SFMBT2: variants seen among roughly 807,000 people sequenced by gnomAD.
SFMBT2 encodes the protein scm-like with four MBT domains protein 2.
SFMBT2 carries 38 observed loss-of-function variants against 110.1 expected under a neutral mutation model. That is an observed-to-expected ratio of 0.35 (90% CI 0.27 to 0.45). The LOEUF (loss-of-function observed/expected upper bound fraction) is 0.45, where lower values mean the gene tolerates loss of function less well. SFMBT2 is among the 20% of genes least tolerant of loss of function. The pLI is 1.00. For missense variants in SFMBT2, 1,011 were observed against 1,094.9 expected (o/e 0.92, Z 1.08); for synonymous variants, 425 against 425.4 (o/e 1.00, Z 0.01).
chr10:7,358,055 C>A (rs953329612), intron 4 of SFMBT2, among the ~76,000 whole-genome samples: 1 of 151,846 alleles, frequency 6.6e-6, no homozygotes, highest in Non-Finnish European at 1.5e-5. Flanking sequence ...ATCAACATGG[C>A]CCTAGAACAT....
intron 20 of SFMBT2, among the ~76,000 whole-genome samples, chr10:7,166,814 C>A (rs1190786820): frequency 6.6e-6 from 1 of 152,156 alleles, no homozygotes; most frequent in Non-Finnish European, 1.5e-5. Context: ...TTCCAGGAAA[C>A]TGGGGAGACA....
chr10:7,285,252 T>C (rs920109363), intron 5 of SFMBT2: 1 of 152,268 alleles, frequency 6.6e-6, no homozygotes, highest in African/African-American at 2.4e-5. Flanking sequence ...CATACTAAGA[T>C]GTTTCAACAT....
chr10:7,164,803 C>A (rs1289854589), intron 20 of SFMBT2, among the ~76,000 whole-genome samples: 1 of 151,562 alleles, frequency 6.6e-6, no homozygotes, highest in Non-Finnish European at 1.5e-5. Flanking sequence ...CATTTACAGA[C>A]ACACACTCCC....
At chr10:7,202,446 T>C in intron 13 of SFMBT2, 34 bp downstream of exon 13, 1 of 1,613,734 alleles carries the variant, frequency 6.2e-7, no homozygotes, top group Non-Finnish European at 8.5e-7. Context: ...TTTATCGGTA[T>C]ACAGTGTAGT....
At chr10:7,209,237 C>A (rs1839256750) in intron 11 of SFMBT2, among the ~76,000 whole-genome samples, 1 of 152,152 alleles carries the variant, frequency 6.6e-6, no homozygotes, top group African/African-American at 2.4e-5. Context: ...TTGAGGATTG[C>A]AAAAAGTTCA....
chr10:7,181,262 G>A (rs1034893128), intron 16 of SFMBT2, among the ~76,000 whole-genome samples: 2 of 148,658 alleles, frequency 1.3e-5, no homozygotes, highest in African/African-American at 5.0e-5. Context: ...AAAAAGTACA[G>A]GTACATCCCT....
intron 1 of SFMBT2, among the ~76,000 whole-genome samples, 150 bp downstream of exon 1, chr10:7,410,711 C>T (rs1159564495): frequency 2.6e-5 from 4 of 151,764 alleles, no homozygotes; most frequent in Non-Finnish European, 1.5e-5. Flanking sequence ...CCTCCAACCC[C>T]AGCTCCCTCA....
chr10:7,293,943 C>T lies in SFMBT2; in HGVS notation c.437-7989G>A, dbSNP rs566378255. On this transcript the variant is annotated intron_variant, in intron 4 of 20. Transcript: ENST00000397167. The surrounding 1 kb of genome is among the most constrained non-coding windows in gnomAD (Gnocchi z 4.6). ...TCTCATCAGTTACGCTGATGTGTAT[C>T]AGTGATGTATATCACAGACATCACT... Among the ~76,000 whole-genome samples, 29 of 152,320 alleles carry T rather than the reference C, an allele frequency of 1.9e-4. No homozygotes were observed. Among genetic ancestry groups the T allele is most frequent in the Non-Finnish European group, 3.7e-4 (25 of 68,036 alleles).
At chr10:7,190,612 A>C (rs1355478543) in intron 15 of SFMBT2, among the ~76,000 whole-genome samples, 1 of 152,248 alleles carries the variant, frequency 6.6e-6, no homozygotes, top group Non-Finnish European at 1.5e-5. Flanking sequence ...GCACATGACA[A>C]TGTCATGTAT....
chr10:7,406,341 A>T (rs1462304769), intron 1 of SFMBT2, among the ~76,000 whole-genome samples: 1 of 151,950 alleles, frequency 6.6e-6, no homozygotes, highest in Non-Finnish European at 1.5e-5. Flanking sequence ...TCCTTTACGG[A>T]CTTCTTAGAT....
chr10:7,309,670 C>A lies in SFMBT2; in HGVS notation c.437-23716G>T, dbSNP rs551187936. Among the ~76,000 whole-genome samples the A allele has an allele frequency of 5.9e-4, 90 of 152,318 alleles. 1 individual carries two copies. Among genetic ancestry groups the A allele is most frequent in the East Asian group, 2.3e-3 (12 of 5,188 alleles). On this transcript the variant is annotated intron_variant, in intron 4 of 20. Coordinates refer to ENST00000397167, the MANE Select transcript of SFMBT2 (RefSeq NM_001387889.1). ...GCTACTGAGGCACCCTGAACCTGCC[C>A]TTGTTACTTACCCTACTACATTTTT...
At chr10:7,294,707 TC>T (rs1842354127) in intron 4 of SFMBT2, among the ~76,000 whole-genome samples, 1 of 152,236 alleles carries the variant, frequency 6.6e-6, no homozygotes, top group Non-Finnish European at 1.5e-5. Context: ...GCAAAGGACT[TC>T]CTAGTTATTG....
intron 4 of SFMBT2, among the ~76,000 whole-genome samples, chr10:7,361,314 G>T (rs1316632665): frequency 6.6e-6 from 1 of 152,056 alleles, no homozygotes; most frequent in East Asian, 1.9e-4. Flanking sequence ...TTTTAAAAAG[G>T]GTCAGTCTCA....
At chr10:7,302,314 T>C (rs1195250630) in intron 4 of SFMBT2, among the ~76,000 whole-genome samples, 1 of 152,236 alleles carries the variant, frequency 6.6e-6, no homozygotes, top group East Asian at 1.9e-4. Context: ...GTTCTTATAG[T>C]CTGAATTCAT....
In SFMBT2 at chr10:7,367,564, C is replaced by T; in HGVS notation, c.436+85G>A. The stretch of plus-strand genomic sequence containing the variant: ...CACTAAGACCATTAGGGATTCTACG[C>T]AAGGTTCTCTCTGCTCCTTGCAAAA... On this transcript the variant is annotated intron_variant, in intron 4 of 20. Transcript: ENST00000397167. This position sits in a 1 kb window ranked among gnomAD's most constrained non-coding sequence, Gnocchi z 6.2. 6.5e-6 allele frequency: 10 copies of T among 1,530,680 alleles called. No homozygotes were observed. Among genetic ancestry groups the T allele is most frequent in the Non-Finnish European group, 8.7e-6 (10 of 1,143,686 alleles). The allele number at this position is 1,530,680 out of a possible 1,614,324, so 94.8% of individuals were successfully genotyped here. A position where few individuals can be genotyped will look rare whatever the true frequency, so the allele number is the denominator to read the frequency against.
At chr10:7,385,771 G>C (rs377042711) in intron 1 of SFMBT2, among the ~76,000 whole-genome samples, 2 of 152,048 alleles carry the variant, frequency 1.3e-5, no homozygotes, top group African/African-American at 2.4e-5. Flanking sequence ...AGGCCGAGGC[G>C]GGCGGATCAC....
At position 7,337,058 on chromosome 10, in the gene SFMBT2, T is replaced by C. The variant is rs1274992015; in HGVS notation, c.436+30591A>G. Among the ~76,000 whole-genome samples the C allele has an allele frequency of 3.3e-5, 5 of 152,228 alleles. No individual in the cohort carries two copies. In the East Asian group the frequency reaches 9.6e-4, roughly 29 times the overall value. On this transcript the variant is annotated intron_variant, in intron 4 of 20. Coordinates refer to ENST00000397167, the MANE Select transcript of SFMBT2 (RefSeq NM_001387889.1). ...AATAGCCCATTTCTTTTCATTGATATGATGCACCATGACTTACTGTGTGCA... is the reference window on the plus strand; with the variant it reads ...AATAGCCCATTTCTTTTCATTGATACGATGCACCATGACTTACTGTGTGCA...
intron 1 of SFMBT2, among the ~76,000 whole-genome samples, chr10:7,388,817 C>T (rs1030423754): frequency 6.6e-6 from 1 of 152,092 alleles, no homozygotes; most frequent in Non-Finnish European, 1.5e-5. Flanking sequence ...CCGAGCCCTG[C>T]GTGTCACTCT....
intron 3 of SFMBT2, among the ~76,000 whole-genome samples, chr10:7,369,625 A>T (rs1845007849): frequency 6.6e-6 from 1 of 152,236 alleles, no homozygotes; most frequent in African/African-American, 2.4e-5. Flanking sequence ...CTCATCTGCC[A>T]ATAAATGGCT....
Sources: gnomAD v4.1 joint callset for allele counts (sites outside exome capture counted in the v4.1 genomes callset) on GRCh38, gnomAD v4.1.1 for gene constraint, Gnocchi (gnomAD v3.1) non-coding constraint, MANE v1.5 for transcripts, NCBI Gene and HGNC (gene_info 2026-07-23, HGNC 2026-07-21) for gene names.